Variants in NRG2 observed in about 807,000 individuals in gnomAD.
NRG2 encodes neuregulin 2.
NRG2 carries 27 observed loss-of-function variants against 73.9 expected under a neutral mutation model. The observed-to-expected ratio is 0.37, with a 90% CI of 0.27 to 0.50. The LOEUF is 0.50. NRG2 is among the 20% of genes least tolerant of loss of function. The pLI is 0.96. For synonymous variants in NRG2, 532 were observed against 541.0 expected, an observed-to-expected ratio of 0.98 and a Z score of 0.23; for missense variants, 1,126 against 1,210.1, an observed-to-expected ratio of 0.93 and a Z score of 1.03.
intron 1 of NRG2, among the ~76,000 whole-genome samples, chr5:140,017,582 G>C (rs1289344018): frequency 6.6e-6 from 1 of 152,206 alleles, no homozygotes; most frequent in Non-Finnish European, 1.5e-5. Flanking sequence ...TCAAAATGCT[G>C]ACAGGTGAAA....
At chr5:139,965,928 C>A (rs1177044956) in intron 1 of NRG2, among the ~76,000 whole-genome samples, 1 of 152,090 alleles carries the variant, frequency 6.6e-6, no homozygotes, top group African/African-American at 2.4e-5. Context: ...TCATATTGCC[C>A]TATATCAGCC....
chr5:139,867,614 A>AT, intron 4 of NRG2, among the ~76,000 whole-genome samples: 1 of 152,242 alleles, frequency 6.6e-6, no homozygotes, highest in Non-Finnish European at 1.5e-5. Context: ...GGGAGAAGTG[A>AT]TTTTCAAACA....
At chr5:140,013,217 A>G (rs563747295) in intron 1 of NRG2, among the ~76,000 whole-genome samples, 5 of 152,140 alleles carry the variant, frequency 3.3e-5, no homozygotes, top group Non-Finnish European at 5.9e-5. Flanking sequence ...CTCTCCTGTT[A>G]CTGTAGATGA....
intron 1 of NRG2, among the ~76,000 whole-genome samples, chr5:139,890,164 T>C (rs1369956609): frequency 6.6e-6 from 1 of 152,120 alleles, no homozygotes; most frequent in Non-Finnish European, 1.5e-5. Flanking sequence ...CTTTAATCTT[T>C]GCCAATTAGC....
chr5:139,993,359 T>C (rs1757784467), intron 1 of NRG2, among the ~76,000 whole-genome samples: 1 of 152,246 alleles, frequency 6.6e-6, no homozygotes, highest in African/African-American at 2.4e-5. Flanking sequence ...CACTGCGTTT[T>C]AGCCACAGTG....
intron 1 of NRG2, chr5:140,019,705 G>A (rs903162265): frequency 6.6e-6 from 1 of 152,138 alleles, no homozygotes; most frequent in Non-Finnish European, 1.5e-5. Flanking sequence ...TGCAAAATTG[G>A]AAAGGGAGGG....
chr5:140,025,993 A>T (rs1760655808), intron 1 of NRG2, among the ~76,000 whole-genome samples: 1 of 152,180 alleles, frequency 6.6e-6, no homozygotes, highest in African/African-American at 2.4e-5. Flanking sequence ...ATTCCGACTG[A>T]GGGGATCAGA....
rs1763535449 is a variant in NRG2 at position 139,881,707 on chromosome 5, C to T, written c.873-733G>A. 2.0e-5 allele frequency among the ~76,000 whole-genome samples: 3 copies of T among 152,238 alleles called. No individual in the cohort carries two copies. The South Asian group carries it at 6.2e-4, about 32-fold the overall frequency. On this transcript the variant is annotated intron_variant, in intron 2 of 9. Transcript: ENST00000361474. Reference sequence around the variant, plus strand: ...GGACTTCCTGACTTGCCCAAGGGCACTCGGCAAGGCAAAGGCAGAGGTATG... The same window carrying T: ...GGACTTCCTGACTTGCCCAAGGGCATTCGGCAAGGCAAAGGCAGAGGTATG...
chr5:139,919,432 A>G (rs1256297750), intron 1 of NRG2, among the ~76,000 whole-genome samples: 1 of 152,104 alleles, frequency 6.6e-6, no homozygotes, highest in African/African-American at 2.4e-5. Context: ...GGAGAAAGTT[A>G]CTGGATCCTC....
Position 140,042,353 on chromosome 5 carries a change from G to A in NRG2, c.700+17C>T, listed in dbSNP as rs1761997631. 4.2e-6 allele frequency: 6 copies of A among 1,433,568 alleles called. No individual in the cohort carries two copies. The South Asian group carries it at 8.0e-5, about 19-fold the overall frequency. 88.8% of individuals were successfully genotyped at this position (1,433,568 alleles called of 1,614,324 possible). On this transcript the variant is annotated intron_variant, in intron 1 of 9. Coordinates refer to ENST00000361474, the MANE Select transcript of NRG2 (RefSeq NM_004883.3). Reference sequence around the variant, plus strand: ...GCCCCTCCCCCCTTTCTCCAGCAAAGGGAGGGGGCGACTCACCGCAGTCAG... The same window carrying A: ...GCCCCTCCCCCCTTTCTCCAGCAAAAGGAGGGGGCGACTCACCGCAGTCAG...
chr5:139,863,614 C>T (rs776525346), intron 5 of NRG2, among the ~76,000 whole-genome samples: 6 of 152,226 alleles, frequency 3.9e-5, no homozygotes, highest in East Asian at 1.9e-4. Context: ...GGCTCTCTGC[C>T]GAGAGGAATA....
rs1361514238 is a variant in NRG2, at chr5:139,865,517, GC to G, written c.1189+31del. ...ACTGCACCCAGAAGCTTTCTAAGGA[GC>G]AGGGACTTGTGTTTGTATCTTCAAA... On this transcript the variant is annotated intron_variant, in intron 5 of 9. Transcript: ENST00000361474. The surrounding 1 kb of genome is among the most constrained non-coding windows in gnomAD (Gnocchi z 5.2). 6 of 1,573,592 alleles carry G rather than the reference GC, an allele frequency of 3.8e-6. No individual in the cohort carries two copies. Among genetic ancestry groups the G allele is most frequent in the Non-Finnish European group, 4.4e-6 (5 of 1,144,020 alleles).
intron 1 of NRG2, among the ~76,000 whole-genome samples, chr5:139,992,321 T>C (rs1334128973): frequency 6.6e-6 from 1 of 152,250 alleles, no homozygotes; most frequent in Non-Finnish European, 1.5e-5. Flanking sequence ...TACTTTTACA[T>C]ATTCATCTTA....
At chr5:139,971,292 T>C (rs1264782045) in intron 1 of NRG2, among the ~76,000 whole-genome samples, 6 of 152,204 alleles carry the variant, frequency 3.9e-5, no homozygotes, top group Admixed American at 3.9e-4. Flanking sequence ...GGGCCTATTT[T>C]CCACTAGACG....
At chr5:139,891,950 C>T (rs926867051) in intron 1 of NRG2, among the ~76,000 whole-genome samples, 1 of 152,206 alleles carries the variant, frequency 6.6e-6, no homozygotes, top group African/African-American at 2.4e-5. Flanking sequence ...ACATTTGAAT[C>T]ATGCCACGTT....
chr5:140,032,363 A>G (rs1267579759), intron 1 of NRG2, among the ~76,000 whole-genome samples: 2 of 152,238 alleles, frequency 1.3e-5, no homozygotes, highest in Non-Finnish European at 2.9e-5. Flanking sequence ...CTAAAACTCA[A>G]TAAAAGAGGA....
At chr5:139,908,941 C>T (rs564942308) in intron 1 of NRG2, among the ~76,000 whole-genome samples, 5 of 152,242 alleles carry the variant, frequency 3.3e-5, no homozygotes, top group African/African-American at 1.2e-4. Flanking sequence ...TGGACCAGGG[C>T]TCTTGCCAGG....
At chr5:139,848,754 G>T in intron 9 of NRG2, 57 bp from the exon 10 acceptor site, 3 of 817,102 alleles carry the variant, frequency 3.7e-6, no homozygotes, top group East Asian at 3.5e-5. Flanking sequence ...GCGGGGGAGG[G>T]GGGGTTGGGG....
intron 1 of NRG2, among the ~76,000 whole-genome samples, chr5:140,029,393 A>T (rs2126685960): frequency 6.6e-6 from 1 of 152,318 alleles, no homozygotes; most frequent in African/African-American, 2.4e-5. Context: ...TTTCTATAAG[A>T]AGGCACTGTT....
Sources: gnomAD v4.1 joint callset for allele counts (sites outside exome capture counted in the v4.1 genomes callset) on GRCh38, gnomAD v4.1.1 for gene constraint, Gnocchi (gnomAD v3.1) non-coding constraint, MANE v1.5 for transcripts, NCBI Gene and HGNC (gene_info 2026-07-23, HGNC 2026-07-21) for gene names.